Variants in RGL3 observed in about 807,000 individuals in gnomAD.
RGL3 encodes the protein ral guanine nucleotide dissociation stimulator like 3.
RGL3 carries 85 observed loss-of-function variants against 90.6 expected under a neutral mutation model. That is an observed-to-expected ratio of 0.94 (90% CI 0.79 to 1.12). The LOEUF (loss-of-function observed/expected upper bound fraction) is 1.12. RGL3 is among the 50% of genes most tolerant of loss of function. The pLI, the probability that RGL3 is intolerant of heterozygous loss-of-function variation, is 0.00. For missense variants in RGL3, 1,034 were observed against 939.2 expected (o/e 1.10, Z -1.32); for synonymous variants, 408 against 385.5 (o/e 1.06, Z -0.68).
intron 5 of RGL3, among the ~76,000 whole-genome samples, chr19:11,413,887 GC>G (rs1315374262): frequency 6.7e-6 from 1 of 148,346 alleles, no homozygotes; most frequent in Non-Finnish European, 1.5e-5. Context: ...GGGACTACAG[GC>G]GCTCGCCACC....
chr19:11,401,567 T>A (rs1021254274), intron 13 of RGL3, among the ~76,000 whole-genome samples: 6 of 151,788 alleles, frequency 4.0e-5, no homozygotes, highest in Non-Finnish European at 7.4e-5. Context: ...GGCTAATTTT[T>A]TTTTTGTATT....
At chr19:11,419,008 G>C in intron 1 of RGL3, 4 of 638,824 alleles carry the variant, frequency 6.3e-6, no homozygotes, top group Non-Finnish European at 1.1e-5. Flanking sequence ...GGATGTCCCA[G>C]GGCCCAGTCT....
intron 2 of RGL3, 40 bp from the exon 3 acceptor site, chr19:11,417,099 G>T: frequency 6.9e-7 from 1 of 1,457,878 alleles, no homozygotes; most frequent in Non-Finnish European, 9.3e-7. Context: ...AGCAGGAGTG[G>T]TCCTCACAGC....
chr19:11,400,430 G>A (rs1319853281), intron 13 of RGL3, 133 bp from the exon 14 acceptor site: 5 of 632,214 alleles, frequency 7.9e-6, no homozygotes, highest in Non-Finnish European at 1.3e-5. Flanking sequence ...CCACATGCCA[G>A]GGTCAGGGTG....
intron 5 of RGL3, among the ~76,000 whole-genome samples, chr19:11,415,322 T>C (rs1024502011): frequency 2.0e-5 from 3 of 151,608 alleles, no homozygotes; most frequent in African/African-American, 7.3e-5. Flanking sequence ...GACACTGCAC[T>C]CCAGCCTGAG....
At chr19:11,405,492 A>ATTT in intron 7 of RGL3, 66 bp from the exon 8 acceptor site, 3 of 132,454 alleles carry the variant, frequency 2.3e-5, no homozygotes, top group African/African-American at 4.2e-5. Flanking sequence ...AAACTTCTTC[A>ATTT]TCTTTTTTTT....
At chr19:11,418,591 G>T in intron 2 of RGL3, 80 bp downstream of exon 2, 1 of 1,121,102 alleles carries the variant, frequency 8.9e-7, no homozygotes. Context: ...ACTGCACCTG[G>T]CGGCCTGTGC....
At chr19:11,411,858 A>T (rs899936929) in intron 5 of RGL3, among the ~76,000 whole-genome samples, 2 of 152,068 alleles carry the variant, frequency 1.3e-5, no homozygotes, top group South Asian at 2.1e-4. Context: ...CAAGCCATCC[A>T]CCTGCCTTGG....
chr19:11,418,806 G>A, intron 1 of RGL3, 22 bp from the exon 2 acceptor site: 3 of 1,524,608 alleles, frequency 2.0e-6, no homozygotes, highest in Non-Finnish European at 2.6e-6. Context: ...GGCGGACTCA[G>A]GGCACCAAAG....
At chr19:11,410,435 A>G (rs1968855007) in intron 5 of RGL3, among the ~76,000 whole-genome samples, 1 of 152,058 alleles carries the variant, frequency 6.6e-6, no homozygotes, top group Non-Finnish European at 1.5e-5. Flanking sequence ...TAGTCCCAGC[A>G]CTTTTGGAGG....
At position 11,405,494 on chromosome 19, in the gene RGL3, C is replaced by CTTTTTTTTTTTTTTTTTTTTTTT. The variant is rs771398199; in HGVS notation, c.997-91_997-69dup. Reference sequence around the variant, plus strand: ...ACCTTTCATCCTGAAACTTCTTCATCTTTTTTTTTTTTTTTTTTTTTTTTT... The same window carrying CTTTTTTTTTTTTTTTTTTTTTTT: ...ACCTTTCATCCTGAAACTTCTTCATCTTTTTTTTTTTTTTTTTTTTTTTTTTTTTTTTTTTTTTTTTTTTTTTT... On this transcript the variant is annotated intron_variant, in intron 7 of 18. Coordinates refer to ENST00000380456, the MANE Select transcript of RGL3 (RefSeq NM_001035223.4). The CTTTTTTTTTTTTTTTTTTTTTTT allele has an allele frequency of 3.7e-5, 6 of 164,002 alleles. 2 individuals carry two copies. The highest frequency in any genetic ancestry group is 7.7e-5 in the African/African-American group (2 of 25,872). The allele number at this position is 164,002 out of a possible 1,614,324, so 10.2% of individuals were successfully genotyped here. A position where few individuals can be genotyped will look rare whatever the true frequency, so the allele number is the denominator to read the frequency against.
chr19:11,394,498 G>A lies in RGL3; in HGVS notation c.2037C>T (p.Ala679=), dbSNP rs1968531132. 1 of 1,613,908 alleles carries A rather than the reference G, an allele frequency of 6.2e-7. No homozygotes were observed. Among genetic ancestry groups the A allele is most frequent in the East Asian group, 2.2e-5 (1 of 44,874 alleles). Residue 679 remains alanine (A), a synonymous_variant, in exon 19 of 19, where the codon GCC becomes GCT. Transcript: ENST00000380456. Reference sequence around the variant, plus strand: ...CTGGACTCATGGCATAGAAGACGTTGGCATTGTCAGGAATCAGGAGCACTG... The same window carrying A: ...CTGGACTCATGGCATAGAAGACGTTAGCATTGTCAGGAATCAGGAGCACTG... ...GDRVLLIPDN[A]NVFYAMSPVA... is the part of the protein sequence containing the mutation.
intron 4 of RGL3, chr19:11,416,410 G>A (rs1568343038): frequency 1.5e-6 from 1 of 648,838 alleles, no homozygotes; most frequent in Non-Finnish European, 2.7e-6. Flanking sequence ...TATTGGCCAG[G>A]ATGGTCTCTA....
intron 18 of RGL3, chr19:11,394,724 C>A (rs1241517304): frequency 7.4e-6 from 4 of 539,462 alleles, no homozygotes; most frequent in Non-Finnish European, 1.3e-5. Flanking sequence ...CATGCCTTCC[C>A]TTATCATAAG....
intron 14 of RGL3, 33 bp downstream of exon 14, chr19:11,400,169 C>T: frequency 6.4e-7 from 1 of 1,568,334 alleles, no homozygotes; most frequent in South Asian, 1.2e-5. Context: ...TATCTGCCCA[C>T]ATCACCGCCC....
At chr19:11,417,296 G>A (rs1056809294) in intron 2 of RGL3, among the ~76,000 whole-genome samples, 3 of 150,346 alleles carry the variant, frequency 2.0e-5, no homozygotes, top group East Asian at 2.0e-4. Flanking sequence ...AACTACAGGC[G>A]CACACCACCA....
At chr19:11,410,805 G>A (rs1225135266) in intron 5 of RGL3, among the ~76,000 whole-genome samples, 1 of 152,156 alleles carries the variant, frequency 6.6e-6, no homozygotes, top group Non-Finnish European at 1.5e-5. Context: ...CATGAGGTAA[G>A]TCGAAAAGAA....
chr19:11,395,053 A>G (rs1599426454), intron 18 of RGL3, among the ~76,000 whole-genome samples: 2 of 150,416 alleles, frequency 1.3e-5, no homozygotes. Context: ...AGATCCTGCC[A>G]TTGCACTCCA....
chr19:11,397,637 C>T (rs946032851), intron 16 of RGL3, 40 bp from the exon 17 acceptor site: 1 of 1,481,998 alleles, frequency 6.7e-7, no homozygotes, highest in East Asian at 2.5e-5. Context: ...CTTGGCCCAT[C>T]TGCAGATGCT....
Sources: allele counts gnomAD v4.1 joint callset (sites outside exome capture counted in the v4.1 genomes callset), GRCh38; gene constraint gnomAD v4.1.1; transcripts MANE v1.5; gene names NCBI Gene and HGNC (gene_info 2026-07-23, HGNC 2026-07-21).